The following CAST variants were observed in gnomAD, a reference collection of about 807,000 sequenced individuals.
CAST encodes the protein MIR583 host.
CAST carries 76 observed loss-of-function variants against 119.6 expected under a neutral mutation model. The observed-to-expected ratio is 0.64, with a 90% confidence interval of 0.53 to 0.77. The LOEUF (loss-of-function observed/expected upper bound fraction) is 0.77, where lower values mean the gene tolerates loss of function less well. Ranked by LOEUF, CAST falls within the 30% of genes least tolerant of loss-of-function variation. The probability of loss-of-function intolerance (pLI) is 0.00; values close to 1 mark genes in which losing one functional copy is unlikely to be tolerated. For missense variants in CAST, 953 were observed against 946.5 expected, an observed-to-expected ratio of 1.01 and a Z score of -0.09; for synonymous variants, 319 against 331.6, an observed-to-expected ratio of 0.96 and a Z score of 0.41.
the CAST span, among the ~76,000 whole-genome samples, chr5:96,188,445 C>A: frequency 2.0e-5 from 3 of 152,036 alleles, no homozygotes; most frequent in African/African-American, 7.2e-5. Context: ...CACTACTCAA[C>A]TTTTTTCCCA....
chr5:96,030,904 T>C, the CAST span, among the ~76,000 whole-genome samples: 4,363 of 149,854 alleles, frequency 0.029, 106 homozygotes, highest in Admixed American at 0.076. Context: ...AAATAAAACA[T>C]GTGTGCTCTT....
the CAST span, among the ~76,000 whole-genome samples, chr5:95,996,956 C>T: frequency 5.9e-5 from 9 of 151,696 alleles, no homozygotes; most frequent in Non-Finnish European, 1.3e-4. Context: ...TTGATCATCA[C>T]ATAAGAAATA....
the CAST span, among the ~76,000 whole-genome samples, chr5:96,187,711 C>T: frequency 6.6e-6 from 1 of 152,178 alleles, no homozygotes; most frequent in South Asian, 2.1e-4. Context: ...TAGTGCCTTG[C>T]ACAAAGTGGG....
the CAST span, among the ~76,000 whole-genome samples, chr5:96,441,527 T>A: frequency 6.6e-6 from 1 of 152,132 alleles, no homozygotes; most frequent in Non-Finnish European, 1.5e-5. Flanking sequence ...AGCAATTTGC[T>A]TCTGATTTCT....
chr5:96,395,486 T>C, the CAST span, among the ~76,000 whole-genome samples: 1 of 152,220 alleles, frequency 6.6e-6, no homozygotes, highest in Non-Finnish European at 1.5e-5. Context: ...GTTCATGTCC[T>C]CTGCAGGGAC....
At chr5:96,147,257 G>A in the CAST span, among the ~76,000 whole-genome samples, 3 of 152,200 alleles carry the variant, frequency 2.0e-5, no homozygotes, top group Non-Finnish European at 2.9e-5. Flanking sequence ...AATGCCTAAT[G>A]ACATCACTGT....
chr5:96,347,932 C>G, the CAST span, among the ~76,000 whole-genome samples: 1 of 152,024 alleles, frequency 6.6e-6, no homozygotes, highest in Non-Finnish European at 1.5e-5. Context: ...CAGAGAGAGC[C>G]CTCCCTACAA....
At chr5:96,168,767 G>A in the CAST span, among the ~76,000 whole-genome samples, 4 of 152,084 alleles carry the variant, frequency 2.6e-5, no homozygotes, top group Admixed American at 6.6e-5. Flanking sequence ...TGTGAGGCTC[G>A]ATTAAAGTCC....
intron 2 of CAST, among the ~76,000 whole-genome samples, chr5:96,684,555 G>A (rs942594772): frequency 2.6e-5 from 4 of 151,344 alleles, no homozygotes; most frequent in African/African-American, 4.9e-5. Context: ...AAAGACCTCT[G>A]CATCACTATC....
At chr5:96,334,782 T>G in the CAST span, among the ~76,000 whole-genome samples, 1 of 152,200 alleles carries the variant, frequency 6.6e-6, no homozygotes, top group Non-Finnish European at 1.5e-5. Flanking sequence ...TCCTTACCCT[T>G]GGAGGCAAGA....
the CAST span, among the ~76,000 whole-genome samples, chr5:96,335,541 C>T: frequency 3.3e-5 from 5 of 152,156 alleles, no homozygotes; most frequent in Admixed American, 1.3e-4. Flanking sequence ...TTTAGCCTAC[C>T]GCTCTTCTCA....
the CAST span, among the ~76,000 whole-genome samples, chr5:96,346,219 T>A: frequency 6.6e-6 from 1 of 152,304 alleles, no homozygotes; most frequent in Admixed American, 6.5e-5. Flanking sequence ...GACTCCAGAT[T>A]TCGGGCTTGA....
At chr5:96,383,430 A>T in the CAST span, among the ~76,000 whole-genome samples, 1 of 152,042 alleles carries the variant, frequency 6.6e-6, no homozygotes, top group African/African-American at 2.4e-5. Flanking sequence ...CTTCAGACCC[A>T]TGCTAAGCAT....
the CAST span, chr5:96,429,078 AAAT>A: frequency 1.6e-6 from 1 of 614,888 alleles, no homozygotes; most frequent in East Asian, 2.8e-5. Flanking sequence ...AAGAAATTAG[AAAT>A]AATACAGATA....
chr5:96,649,659 C>T (rs1391634889), intron 1 of CAST, among the ~76,000 whole-genome samples: 1 of 152,186 alleles, frequency 6.6e-6, no homozygotes, highest in Admixed American at 6.5e-5. Context: ...TCCACCAGAA[C>T]TAGTGATGTA....
chr5:96,693,544 T>G, intron 2 of CAST, among the ~76,000 whole-genome samples: 1 of 152,236 alleles, frequency 6.6e-6, no homozygotes, highest in Non-Finnish European at 1.5e-5. Context: ...AGCTGGAGTT[T>G]GGGACAGCTG....
At chr5:96,603,115 T>C (rs1263655362) in intron 1 of CAST, among the ~76,000 whole-genome samples, 2 of 152,340 alleles carry the variant, frequency 1.3e-5, no homozygotes, top group South Asian at 2.1e-4. Context: ...GGATCATATA[T>C]TTATTGAAAT....
chr5:96,625,345 CCTTTAT>C (rs147041780), intron 1 of CAST, among the ~76,000 whole-genome samples: 4,290 of 152,162 alleles, frequency 0.028, 211 homozygotes, highest in African/African-American at 0.097. Flanking sequence ...ATGAATTTCC[CCTTTAT>C]CTTTACTGAA....
intron 10 of CAST, 104 bp downstream of exon 10, chr5:96,736,344 A>C: frequency 1.6e-6 from 1 of 643,870 alleles, no homozygotes; most frequent in African/African-American, 1.9e-5. Flanking sequence ...GGGGTAATTT[A>C]AAGGACCATT....
Sources: gnomAD v4.1 joint callset for allele counts (sites outside exome capture counted in the v4.1 genomes callset) on GRCh38, gnomAD v4.1.1 for gene constraint, MANE v1.5 for transcripts, NCBI Gene and HGNC (gene_info 2026-07-23, HGNC 2026-07-21) for gene names.